Variants in RYR2 observed in about 807,000 individuals in gnomAD.
RYR2 encodes cardiac muscle ryanodine receptor-calcium release channel.
In RYR2, 227 loss-of-function variants were observed where a neutral mutation model predicts 601.1. The observed-to-expected ratio is 0.38, with a 90% CI of 0.34 to 0.42. The LOEUF is 0.42. Among genes scored for constraint, RYR2 ranks in the 10% least tolerant of loss-of-function variants. The pLI is 1.00. For synonymous variants in RYR2, 2,223 were observed against 2,175.1 expected, an observed-to-expected ratio of 1.02 and a Z score of -0.61; for missense variants, 4,646 against 6,156.5, an observed-to-expected ratio of 0.75 and a Z score of 8.21.
chr1:237,413,430 G>A (rs1704631243), intron 10 of RYR2, among the ~76,000 whole-genome samples: 1 of 151,990 alleles, frequency 6.6e-6, no homozygotes, highest in South Asian at 2.1e-4. Flanking sequence ...AATTCAAAAG[G>A]TAAAGTTGTC....
intron 27 of RYR2, among the ~76,000 whole-genome samples, chr1:237,564,618 C>A (rs1671780319): frequency 6.6e-6 from 1 of 152,110 alleles, no homozygotes; most frequent in Admixed American, 6.6e-5. Flanking sequence ...ATCATAAAAT[C>A]TGATAGAATT....
At chr1:237,369,075 G>A (rs1386206760) in intron 5 of RYR2, among the ~76,000 whole-genome samples, 5 of 151,746 alleles carry the variant, frequency 3.3e-5, no homozygotes, top group Admixed American at 6.6e-5. Flanking sequence ...CGCCCGCCTC[G>A]GCCTCCCAAA....
At chr1:237,787,613 A>T (rs1178123775) in intron 91 of RYR2, among the ~76,000 whole-genome samples, 1 of 151,606 alleles carries the variant, frequency 6.6e-6, no homozygotes, top group Non-Finnish European at 1.5e-5. Context: ...AAAAAAAAAA[A>T]AAAAAGGATT....
intron 1 of RYR2, among the ~76,000 whole-genome samples, chr1:237,044,739 C>T (rs1345859297): frequency 6.6e-6 from 1 of 151,290 alleles, no homozygotes; most frequent in Admixed American, 6.6e-5. Flanking sequence ...AAATCCTTTA[C>T]CGGCTTCTCC....
intron 1 of RYR2, among the ~76,000 whole-genome samples, chr1:237,153,476 C>A (rs764191816): frequency 2.0e-5 from 3 of 151,760 alleles, no homozygotes; most frequent in African/African-American, 7.3e-5. Flanking sequence ...TTCAACTTGG[C>A]GATAATATTT....
intron 4 of RYR2, among the ~76,000 whole-genome samples, chr1:237,358,361 G>C (rs900060896): frequency 5.9e-5 from 9 of 152,052 alleles, no homozygotes; most frequent in Non-Finnish European, 1.2e-4. Context: ...GGTTCCTCAC[G>C]CCCTACTTGG....
intron 6 of RYR2, among the ~76,000 whole-genome samples, chr1:237,371,710 T>C (rs1479421838): frequency 6.6e-6 from 1 of 152,208 alleles, no homozygotes; most frequent in African/African-American, 2.4e-5. Context: ...TGGAATACTA[T>C]GCAGCCATGA....
Position 237,577,517 on chromosome 1 carries a change from T to A in RYR2, c.3598+8198T>A, listed in dbSNP as rs879408945. On this transcript the variant is annotated intron_variant, in intron 29 of 104. Transcript: ENST00000366574. ...GTGTGTTTCTGTGTGTGTGTGTGTG[T>A]GTGTGTGTGTGTGTGTGTGCGTGTG... 5.6e-3 allele frequency among the ~76,000 whole-genome samples: 390 copies of A among 70,044 alleles called. 2 individuals carry two copies. The highest frequency in any genetic ancestry group is 0.041 in the East Asian group (128 of 3,130). 46.0% of individuals were successfully genotyped at this position (70,044 alleles called of 152,430 possible).
intron 12 of RYR2, among the ~76,000 whole-genome samples, chr1:237,434,387 A>G (rs1324285066): frequency 6.6e-6 from 1 of 152,232 alleles, no homozygotes; most frequent in Non-Finnish European, 1.5e-5. Flanking sequence ...TAAAATAGGA[A>G]ATCATTTATA....
intron 1 of RYR2, among the ~76,000 whole-genome samples, chr1:237,045,983 G>A (rs142896986): frequency 6.9e-6 from 1 of 145,918 alleles, no homozygotes; most frequent in Non-Finnish European, 1.5e-5. Context: ...TTTACCCATA[G>A]ATTGAGACTT....
intron 100 of RYR2, among the ~76,000 whole-genome samples, chr1:237,810,793 G>A (rs1661170779): frequency 6.6e-6 from 1 of 151,786 alleles, no homozygotes; most frequent in Admixed American, 6.6e-5. Context: ...ATACAGATAT[G>A]GAGAGATATA....
Position 237,403,467 on chromosome 1 carries a change from A to G in RYR2, c.774-13582A>G, listed in dbSNP as rs189815145. On this transcript the variant is annotated intron_variant, in intron 10 of 104. Transcript: ENST00000366574. Reference sequence around the variant, plus strand: ...TTTGGGACAGGGCCTTGCTCCGGCTAGAGTGCAGTGGTGTGATCATGGTTC... The same window carrying G: ...TTTGGGACAGGGCCTTGCTCCGGCTGGAGTGCAGTGGTGTGATCATGGTTC... Among the ~76,000 whole-genome samples, 20 of 152,264 alleles carry G rather than the reference A, an allele frequency of 1.3e-4. No individual in the cohort carries two copies. The East Asian group carries it at 3.9e-3, about 29-fold the overall frequency.
At chr1:237,118,415 A>G (rs1267182833) in intron 1 of RYR2, among the ~76,000 whole-genome samples, 5 of 151,446 alleles carry the variant, frequency 3.3e-5, no homozygotes, top group South Asian at 2.1e-4. Context: ...CCACAACTCC[A>G]TACTAGATTC....
intron 102 of RYR2, among the ~76,000 whole-genome samples, chr1:237,828,692 G>C (rs1663432158): frequency 6.6e-6 from 1 of 152,212 alleles, no homozygotes; most frequent in Admixed American, 6.5e-5. Context: ...GAAGTGGAGA[G>C]ACTATTCATT....
At position 237,402,399 on chromosome 1, in the gene RYR2, G is replaced by GAA. The variant is rs201342853; in HGVS notation, c.773+14224_773+14225dup. Among the ~76,000 whole-genome samples the GAA allele has an allele frequency of 9.2e-5, 13 of 141,250 alleles. 1 individual carries two copies. The South Asian group carries it at 2.7e-3, about 29-fold the overall frequency. The allele number at this position is 141,250 out of a possible 152,430, so 92.7% of individuals were successfully genotyped here. A position where few individuals can be genotyped will look rare whatever the true frequency, so the allele number is the denominator to read the frequency against. ...AAGACCCTATCTCTTAAAAAAAAAA[G>GAA]AAAAAAAAATATATATATGTATGAT... On this transcript the variant is annotated intron_variant, in intron 10 of 104. Coordinates refer to ENST00000366574, the MANE Select transcript of RYR2 (RefSeq NM_001035.3).
At chr1:237,582,271 T>A (rs1379361401) in intron 29 of RYR2, among the ~76,000 whole-genome samples, 1 of 77,358 alleles carries the variant, frequency 1.3e-5, no homozygotes, top group African/African-American at 5.3e-5. Flanking sequence ...CCCAGATAAT[T>A]TTTTTTTTTT....
At chr1:237,268,935 C>CA (rs1160004017) in intron 1 of RYR2, among the ~76,000 whole-genome samples, 791 of 16,166 alleles carry the variant, frequency 0.049, 140 homozygotes, top group Non-Finnish European at 0.055. Flanking sequence ...ACTCTTGTCT[C>CA]AAAAAAAAAA....
At chr1:237,523,288 G>T (rs1416307803) in intron 24 of RYR2, among the ~76,000 whole-genome samples, 1 of 152,108 alleles carries the variant, frequency 6.6e-6, no homozygotes, top group Non-Finnish European at 1.5e-5. Flanking sequence ...GAAGAGACAG[G>T]CCACCAGCTG....
At chr1:237,714,991 CAAAAAAAAAAAAAA>C (rs5781983) in intron 71 of RYR2, among the ~76,000 whole-genome samples, 2,790 of 44,552 alleles carry the variant, frequency 0.063, 101 homozygotes, top group African/African-American at 0.16. Flanking sequence ...GACTCCATCT[CAAAAAAAAAAAAAA>C]AAAAAAAAAA....
Sources: allele counts gnomAD v4.1 joint callset (sites outside exome capture counted in the v4.1 genomes callset), GRCh38; gene constraint gnomAD v4.1.1; transcripts MANE v1.5; gene names NCBI Gene and HGNC (gene_info 2026-07-23, HGNC 2026-07-21).